The following CDH4 variants were observed in gnomAD, a reference collection of about 807,000 sequenced individuals.
The protein encoded by CDH4 is cadherin 4, also known as cadherin-4.
Under a neutral mutation model 86.0 loss-of-function variants are expected in CDH4, and 33 were observed. That is an observed-to-expected ratio of 0.38 (90% CI 0.29 to 0.51). The LOEUF is 0.51. Among genes scored for constraint, CDH4 ranks in the 20% least tolerant of loss-of-function variants. The probability of loss-of-function intolerance (pLI) is 0.86; values close to 1 mark genes in which losing one functional copy is unlikely to be tolerated. For missense variants in CDH4, 1,114 were observed against 1,307.4 expected (o/e 0.85, Z 2.28); for synonymous variants, 555 against 549.4 (o/e 1.01, Z -0.14).
chr20:61,632,696 A>G (rs1434279802), intron 2 of CDH4, among the ~76,000 whole-genome samples: 1 of 114,420 alleles, frequency 8.7e-6, no homozygotes, highest in Non-Finnish European at 1.8e-5. Context: ...CACTTCCCCC[A>G]TGTACCTGAC....
At chr20:61,315,884 G>T (rs1163343829) in intron 2 of CDH4, among the ~76,000 whole-genome samples, 3 of 151,932 alleles carry the variant, frequency 2.0e-5, no homozygotes, top group Non-Finnish European at 2.9e-5. Context: ...TTTGTTTTTT[G>T]TATTTTTTGT....
intron 6 of CDH4, among the ~76,000 whole-genome samples, chr20:61,857,076 C>G (rs868622303): frequency 7.9e-5 from 12 of 152,234 alleles, no homozygotes; most frequent in South Asian, 2.1e-4. Context: ...TCCCAAGAGT[C>G]CCCGCAAAAG....
At chr20:61,736,733 C>T (rs1217342776) in intron 2 of CDH4, among the ~76,000 whole-genome samples, 6 of 152,070 alleles carry the variant, frequency 3.9e-5, no homozygotes, top group South Asian at 4.2e-4. Flanking sequence ...TCACGACAGG[C>T]GGGGTCCCTT....
At chr20:61,723,446 GCCT>G (rs1253549959) in intron 2 of CDH4, among the ~76,000 whole-genome samples, 37 of 152,334 alleles carry the variant, frequency 2.4e-4, no homozygotes, top group African/African-American at 8.9e-4. Context: ...AGGGCCTGCA[GCCT>G]CCTCCGGGCT....
chr20:61,662,207 A>G (rs1600851541), intron 2 of CDH4, among the ~76,000 whole-genome samples: 1 of 152,220 alleles, frequency 6.6e-6, no homozygotes, highest in South Asian at 2.1e-4. Flanking sequence ...CTTTGAGGGA[A>G]GTTGTAAAGA....
At chr20:61,922,290 C>T (rs2054991222) in intron 9 of CDH4, among the ~76,000 whole-genome samples, 1 of 152,202 alleles carries the variant, frequency 6.6e-6, no homozygotes, top group East Asian at 1.9e-4. Flanking sequence ...CGTCTCAGGG[C>T]CCCAAGCTTT....
chr20:61,564,998 G>A (rs968813998), intron 2 of CDH4, among the ~76,000 whole-genome samples: 1 of 148,728 alleles, frequency 6.7e-6, no homozygotes, highest in South Asian at 2.1e-4. Context: ...CAGCCACCTG[G>A]TAGACAGCGG....
At chr20:61,407,884 C>T (rs892746092) in intron 2 of CDH4, among the ~76,000 whole-genome samples, 1 of 152,264 alleles carries the variant, frequency 6.6e-6, no homozygotes, top group South Asian at 2.1e-4. Context: ...GATGCTGTTT[C>T]CATGAAGTCC....
chr20:61,935,186 C>CTGCATTTTAAAGGAGGTTTA lies in CDH4; in HGVS notation c.2544+967_2544+986dup, dbSNP rs1485637627. On this transcript the variant is annotated intron_variant, in intron 15 of 15. Coordinates refer to ENST00000614565, the MANE Select transcript of CDH4 (RefSeq NM_001794.5). ...TTCATCACCTGCTCGCCGATGCCCA[C>CTGCATTTTAAAGGAGGTTTA]TGCATTTTAAAGGAGGTTTAGCAAC... 2.0e-5 allele frequency among the ~76,000 whole-genome samples: 3 copies of CTGCATTTTAAAGGAGGTTTA among 152,334 alleles called. No homozygotes were observed. The East Asian group carries it at 5.8e-4, about 29-fold the overall frequency.
At chr20:61,872,786 A>G (rs1443534475) in intron 6 of CDH4, among the ~76,000 whole-genome samples, 1 of 152,250 alleles carries the variant, frequency 6.6e-6, no homozygotes, top group African/African-American at 2.4e-5. Context: ...TGCCAGCATC[A>G]GGAGACAGCA....
intron 2 of CDH4, among the ~76,000 whole-genome samples, chr20:61,640,972 A>T (rs1273458311): frequency 6.6e-6 from 1 of 152,180 alleles, no homozygotes; most frequent in East Asian, 1.9e-4. Context: ...CCCAGCCTGC[A>T]TTCTGGAGGG....
At chr20:61,667,234 G>C (rs2087336080) in intron 2 of CDH4, among the ~76,000 whole-genome samples, 1 of 152,242 alleles carries the variant, frequency 6.6e-6, no homozygotes, top group African/African-American at 2.4e-5. Flanking sequence ...GAGGGTCTTG[G>C]GCAACCAGGT....
At chr20:61,482,909 A>G (rs946715452) in intron 2 of CDH4, among the ~76,000 whole-genome samples, 1 of 152,090 alleles carries the variant, frequency 6.6e-6, no homozygotes, top group Non-Finnish European at 1.5e-5. Context: ...CAGCATCCCC[A>G]TTTTACAGAT....
Position 61,938,904 on chromosome 20 carries a change from G to A in CDH4, c.*1961G>A, listed in dbSNP as rs537521095. On this transcript the variant is annotated 3_prime_UTR_variant, in exon 16 of 16. Coordinates refer to ENST00000614565, the MANE Select transcript of CDH4 (RefSeq NM_001794.5). ...TCTGACCCTCCCATGGCTGCCCAGGGAGGGCGGGGTTCACTGTGCCACGTG... is the reference window on the plus strand; with the variant it reads ...TCTGACCCTCCCATGGCTGCCCAGGAAGGGCGGGGTTCACTGTGCCACGTG... 6.6e-6 allele frequency: 1 copy of A among 152,438 alleles called. No individual in the cohort carries two copies. The highest frequency in any genetic ancestry group is 1.9e-4 in the East Asian group (1 of 5,174). 9.4% of individuals were successfully genotyped at this position (152,438 alleles called of 1,614,324 possible). A position where few individuals can be genotyped will look rare whatever the true frequency, so the allele number is the denominator to read the frequency against.
intron 2 of CDH4, among the ~76,000 whole-genome samples, chr20:61,595,433 G>T (rs1443370244): frequency 6.6e-6 from 1 of 152,204 alleles, no homozygotes; most frequent in Non-Finnish European, 1.5e-5. Context: ...TTGACTGCGG[G>T]ATCCTTCCCC....
At chr20:61,294,517 G>T (rs945410550) in intron 2 of CDH4, among the ~76,000 whole-genome samples, 8 of 152,222 alleles carry the variant, frequency 5.3e-5, no homozygotes, top group Admixed American at 5.2e-4. Context: ...TTTAATGGAC[G>T]GCTGAGTGGC....
Position 61,829,433 on chromosome 20 carries a change from C to A in CDH4, c.577-15235C>A, listed in dbSNP as rs1392727081. ...GACACTTGGCGGTTGCACTTTGGGG[C>A]TGTTGTCAGTGTGCTGCCGGGCACG... On this transcript the variant is annotated intron_variant, in intron 4 of 15. Coordinates refer to ENST00000614565, the MANE Select transcript of CDH4 (RefSeq NM_001794.5). The surrounding 1 kb of genome is among the most constrained non-coding windows in gnomAD (Gnocchi z 4.2). Among the ~76,000 whole-genome samples the A allele has an allele frequency of 6.6e-6, 1 of 152,240 alleles. No homozygotes were observed. The highest frequency in any genetic ancestry group is 1.5e-5 in the Non-Finnish European group (1 of 68,044).
intron 13 of CDH4, among the ~76,000 whole-genome samples, chr20:61,932,575 GCA>G (rs368427742): frequency 0.021 from 3,201 of 149,590 alleles, 99 homozygotes; most frequent in African/African-American, 0.074. Flanking sequence ...GAACACACGA[GCA>G]CACACACAGA....
chr20:61,492,385 TTGATGTTAG>T (rs2085632912), intron 2 of CDH4, among the ~76,000 whole-genome samples: 1 of 151,822 alleles, frequency 6.6e-6, no homozygotes, highest in East Asian at 1.9e-4. Flanking sequence ...GTCAATATTG[TTGATGTTAG>T]TGGTGTTGAT....
Sources: gnomAD v4.1 joint callset for allele counts (sites outside exome capture counted in the v4.1 genomes callset) on GRCh38, gnomAD v4.1.1 for gene constraint, Gnocchi (gnomAD v3.1) non-coding constraint, MANE v1.5 for transcripts, NCBI Gene and HGNC (gene_info 2026-07-23, HGNC 2026-07-21) for gene names.